The following ZNF516 variants were observed in gnomAD, a reference collection of about 807,000 sequenced individuals.
ZNF516 encodes the protein zinc finger protein 516.
In ZNF516, 19 loss-of-function variants were observed where a neutral mutation model predicts 79.7. That is an observed-to-expected ratio of 0.24 (90% CI 0.17 to 0.35). The LOEUF (loss-of-function observed/expected upper bound fraction) is 0.35. Among genes scored for constraint, ZNF516 ranks in the 10% least tolerant of loss-of-function variants. The pLI is 1.00. For synonymous variants in ZNF516, 877 were observed against 739.5 expected (o/e 1.19, Z -3.02); for missense variants, 1,678 against 1,679.5 (o/e 1.00, Z 0.02).
At chr18:76,463,849 T>A (rs942062751) in intron 1 of ZNF516, among the ~76,000 whole-genome samples, 1 of 152,192 alleles carries the variant, frequency 6.6e-6, no homozygotes, top group South Asian at 2.1e-4. Flanking sequence ...AAAGTATTCA[T>A]AATAAACTAT....
intron 3 of ZNF516, among the ~76,000 whole-genome samples, chr18:76,439,512 G>A (rs908121989): frequency 6.6e-6 from 1 of 152,082 alleles, no homozygotes; most frequent in Admixed American, 6.5e-5. Flanking sequence ...TTCTCAAAAA[G>A]TTACACATAG....
chr18:76,426,544 GTATT>G (rs1276739107), intron 3 of ZNF516, among the ~76,000 whole-genome samples: 2 of 151,586 alleles, frequency 1.3e-5, no homozygotes, highest in Non-Finnish European at 1.5e-5. Context: ...TTTTTTTAAA[GTATT>G]TATTGTTTAT....
intron 3 of ZNF516, among the ~76,000 whole-genome samples, chr18:76,439,694 A>G (rs996550858): frequency 6.6e-6 from 1 of 152,234 alleles, no homozygotes; most frequent in Non-Finnish European, 1.5e-5. Flanking sequence ...CCACCATCAT[A>G]ATCAATGGGG....
upstream of ZNF516, chr18:76,496,283 C>T (rs1915479745): frequency 1.6e-6 from 2 of 1,288,926 alleles, no homozygotes; most frequent in Non-Finnish European, 2.0e-6. Context: ...CACCAGGCTC[C>T]TGGCCGTATT....
In ZNF516 at chr18:76,362,187, G is replaced by A; in HGVS notation, c.*311C>T. The A allele has an allele frequency of 3.5e-6, 1 of 284,480 alleles. No homozygotes were observed. The highest frequency in any genetic ancestry group is 6.7e-6 in the Non-Finnish European group (1 of 149,388). The allele number at this position is 284,480 out of a possible 1,614,324, so 17.6% of individuals were successfully genotyped here. On this transcript the variant is annotated 3_prime_UTR_variant, in exon 7 of 7. Transcript: ENST00000443185. Reference sequence around the variant, plus strand: ...GACAGATGCCTTGTGCCCCTACTGTGCCTGCCAGTACTACTGTTTATTATA... The same window carrying A: ...GACAGATGCCTTGTGCCCCTACTGTACCTGCCAGTACTACTGTTTATTATA...
intron 3 of ZNF516, among the ~76,000 whole-genome samples, chr18:76,440,957 C>G (rs564964360): frequency 1.8e-4 from 28 of 152,290 alleles, no homozygotes; most frequent in African/African-American, 6.7e-4. Context: ...CCAAGGGGAG[C>G]TGATGGGTGT....
At chr18:76,384,315 A>ACC (rs1166374535) in intron 3 of ZNF516, among the ~76,000 whole-genome samples, 1 of 45,114 alleles carries the variant, frequency 2.2e-5, no homozygotes, top group Non-Finnish European at 4.4e-5. Flanking sequence ...CAGCCCCCAT[A>ACC]CCCCCTCCAC....
intron 1 of ZNF516, among the ~76,000 whole-genome samples, chr18:76,473,903 T>TGTGTGTGGGGG (rs58634236): frequency 1.7e-4 from 9 of 54,168 alleles, no homozygotes; most frequent in Non-Finnish European, 2.6e-4. Flanking sequence ...TGTTTTTGTG[T>TGTGTGTGGGGG]GGGGGGGGGG....
chr18:76,412,213 C>T (rs1300928629), intron 3 of ZNF516, among the ~76,000 whole-genome samples: 1 of 152,204 alleles, frequency 6.6e-6, no homozygotes, highest in East Asian at 1.9e-4. Context: ...AAGTCCGGGA[C>T]CAAGACCAGC....
At chr18:76,423,477 C>A (rs1405734642) in intron 3 of ZNF516, among the ~76,000 whole-genome samples, 1 of 151,404 alleles carries the variant, frequency 6.6e-6, no homozygotes, top group Non-Finnish European at 1.5e-5. Flanking sequence ...CGAAAAGGTT[C>A]CCCCCTGAAA....
chr18:76,395,920 G>A (rs888718303), intron 3 of ZNF516, among the ~76,000 whole-genome samples: 10 of 152,276 alleles, frequency 6.6e-5, no homozygotes, highest in South Asian at 6.2e-4. Context: ...TTCACCGTCC[G>A]GAAGTGCGCA....
At chr18:76,363,017 G>A (rs1213333817) in intron 6 of ZNF516, among the ~76,000 whole-genome samples, 2 of 152,192 alleles carry the variant, frequency 1.3e-5, no homozygotes, top group Non-Finnish European at 2.9e-5. Flanking sequence ...ACAAAAAGAA[G>A]AGCACGGCTC....
intron 1 of ZNF516, among the ~76,000 whole-genome samples, chr18:76,475,298 G>T (rs1031643347): frequency 6.6e-6 from 1 of 152,032 alleles, no homozygotes; most frequent in Non-Finnish European, 1.5e-5. Flanking sequence ...AATCACTTAC[G>T]ATTTTTAAAT....
At chr18:76,429,074 G>A (rs559717984) in intron 3 of ZNF516, among the ~76,000 whole-genome samples, 51 of 152,324 alleles carry the variant, frequency 3.3e-4, no homozygotes, top group African/African-American at 1.1e-3. Flanking sequence ...TCTCCCTCCC[G>A]GGGACAAGAT....
intron 1 of ZNF516, among the ~76,000 whole-genome samples, chr18:76,473,355 C>CAAAAAAAAAA (rs35092154): frequency 2.3e-5 from 2 of 87,678 alleles, no homozygotes; most frequent in South Asian, 3.5e-4. Context: ...TTGCTCTCTG[C>CAAAAAAAAAA]AAAAAAAAAA....
intron 2 of ZNF516, among the ~76,000 whole-genome samples, chr18:76,452,530 C>A (rs540487287): frequency 3.3e-5 from 5 of 152,206 alleles, no homozygotes; most frequent in Admixed American, 2.6e-4. Context: ...TATTTATAGC[C>A]AAAATGCATA....
intron 2 of ZNF516, among the ~76,000 whole-genome samples, chr18:76,444,246 G>C (rs1911907732): frequency 6.6e-6 from 1 of 152,184 alleles, no homozygotes; most frequent in African/African-American, 2.4e-5. Context: ...AGAGGGAGGG[G>C]CTGCACAGAC....
intron 3 of ZNF516, among the ~76,000 whole-genome samples, chr18:76,439,408 G>A (rs1000213952): frequency 6.6e-6 from 1 of 152,142 alleles, no homozygotes; most frequent in Non-Finnish European, 1.5e-5. Flanking sequence ...CTCTCAATAA[G>A]CTGAAATATC....
upstream of ZNF516, chr18:76,495,537 T>G (rs1568338933): frequency 8.2e-6 from 2 of 242,674 alleles, no homozygotes; most frequent in Non-Finnish European, 8.6e-6. Context: ...GAGGGGACAG[T>G]CTGGAGGCTT....
Sources: allele counts gnomAD v4.1 joint callset (sites outside exome capture counted in the v4.1 genomes callset), GRCh38; gene constraint gnomAD v4.1.1; transcripts MANE v1.5; gene names NCBI Gene and HGNC (gene_info 2026-07-23, HGNC 2026-07-21).